Variants in GRIN2A observed in about 807,000 individuals in gnomAD.
GRIN2A encodes the protein glutamate receptor ionotropic, NMDA 2A.
In GRIN2A, 22 loss-of-function variants were observed where a neutral mutation model predicts 113.4. That is an observed-to-expected ratio of 0.19 (90% CI 0.14 to 0.28). The LOEUF is 0.28. Ranked by LOEUF, GRIN2A falls within the 10% of genes least tolerant of loss-of-function variation. GRIN2A has a pLI of 1.00. For synonymous variants in GRIN2A, 827 were observed against 738.4 expected, an observed-to-expected ratio of 1.12 and a Z score of -1.94; for missense variants, 1,502 against 1,887.0, an observed-to-expected ratio of 0.80 and a Z score of 3.78.
At chr16:9,822,834 CT>C (rs1253530843) in intron 9 of GRIN2A, among the ~76,000 whole-genome samples, 1 of 152,162 alleles carries the variant, frequency 6.6e-6, no homozygotes. Flanking sequence ...CATTTATCCA[CT>C]TTATGATGAA....
intron 4 of GRIN2A, among the ~76,000 whole-genome samples, chr16:9,874,588 T>C (rs1391103991): frequency 6.6e-6 from 1 of 152,190 alleles, no homozygotes; most frequent in Non-Finnish European, 1.5e-5. Context: ...TACTGATATA[T>C]GAACGCCACC....
chr16:9,960,531 G>A (rs16966734), intron 2 of GRIN2A, among the ~76,000 whole-genome samples: 2,468 of 152,248 alleles, frequency 0.016, 66 homozygotes, highest in African/African-American at 0.057. Context: ...AGGTAGGTAG[G>A]GAGAGCATAT....
chr16:9,945,642 T>G (rs1344748904), intron 2 of GRIN2A, among the ~76,000 whole-genome samples: 2 of 152,206 alleles, frequency 1.3e-5, no homozygotes, highest in African/African-American at 4.8e-5. Context: ...TTGTGTAAGA[T>G]AACCCTGTTC....
chr16:9,912,692 C>T (rs771813000), intron 3 of GRIN2A, among the ~76,000 whole-genome samples: 35 of 152,018 alleles, frequency 2.3e-4, no homozygotes, highest in Admixed American at 1.3e-4. Context: ...AGTATCTCTG[C>T]GTATTAAAAG....
At chr16:9,884,793 A>T (rs970182566) in intron 4 of GRIN2A, among the ~76,000 whole-genome samples, 54 of 141,486 alleles carry the variant, frequency 3.8e-4, no homozygotes, top group African/African-American at 1.1e-3. Flanking sequence ...TCTGTGGCCC[A>T]GGCTGGAGTG....
chr16:10,066,473 TAGC>T (rs1476594583), intron 2 of GRIN2A, among the ~76,000 whole-genome samples: 1 of 152,146 alleles, frequency 6.6e-6, no homozygotes, highest in Non-Finnish European at 1.5e-5. Flanking sequence ...TGCTGCAAAA[TAGC>T]AGTTCCATAC....
chr16:9,952,302 A>C lies in GRIN2A; in HGVS notation c.415-13751T>G, dbSNP rs536265713. 7.4e-4 allele frequency among the ~76,000 whole-genome samples: 113 copies of C among 152,308 alleles called. 2 individuals are homozygous for C. Among genetic ancestry groups the C allele is most frequent in the Admixed American group, 1.3e-3 (20 of 15,306 alleles). On this transcript the variant is annotated intron_variant, in intron 2 of 12. Transcript: ENST00000330684. ...GTGAAAGGGTTCCCAGTGACCCCTG[A>C]GGTCCTTGTAGATGGAGGGCAACTT...
chr16:10,108,390 C>T lies in GRIN2A; in HGVS notation c.414+71608G>A, dbSNP rs534499995. 2.0e-3 allele frequency among the ~76,000 whole-genome samples: 305 copies of T among 152,322 alleles called. 6 individuals are homozygous for T. Among genetic ancestry groups the T allele is most frequent in the Non-Finnish European group, 1.2e-3 (83 of 68,024 alleles). On this transcript the variant is annotated intron_variant, in intron 2 of 12. Coordinates refer to ENST00000330684, the MANE Select transcript of GRIN2A (RefSeq NM_001134407.3). ...GTTACCTCCCACTGGGTCCCTCCCA[C>T]AACATGTGGGAATTGTGGGAGTTAA...
At chr16:10,108,081 G>A (rs985994701) in intron 2 of GRIN2A, among the ~76,000 whole-genome samples, 12 of 152,174 alleles carry the variant, frequency 7.9e-5, no homozygotes, top group Non-Finnish European at 2.9e-5. Flanking sequence ...TCATTTTAAA[G>A]AAGAGAAAAT....
chr16:9,939,996 G>T (rs913204715), intron 2 of GRIN2A, among the ~76,000 whole-genome samples: 6 of 150,776 alleles, frequency 4.0e-5, no homozygotes, highest in African/African-American at 1.5e-4. Context: ...ACCTCAACAA[G>T]ATAACTTATG....
At chr16:9,960,867 C>A (rs1386244745) in intron 2 of GRIN2A, among the ~76,000 whole-genome samples, 1 of 152,224 alleles carries the variant, frequency 6.6e-6, no homozygotes, top group Non-Finnish European at 1.5e-5. Flanking sequence ...CTAAAGTGAT[C>A]CTCCTGCCTC....
chr16:9,767,646 G>A (rs1901004907), intron 12 of GRIN2A, among the ~76,000 whole-genome samples: 1 of 152,150 alleles, frequency 6.6e-6, no homozygotes, highest in Non-Finnish European at 1.5e-5. Context: ...AAATAAGAGA[G>A]ATGAGTGGAT....
chr16:10,114,136 A>C (rs984400783), intron 2 of GRIN2A, among the ~76,000 whole-genome samples: 1 of 152,176 alleles, frequency 6.6e-6, no homozygotes, highest in African/African-American at 2.4e-5. Flanking sequence ...CGCTGCAGTG[A>C]GCTATGATCA....
chr16:10,133,040 C>T (rs992689202), intron 2 of GRIN2A, among the ~76,000 whole-genome samples: 4 of 152,188 alleles, frequency 2.6e-5, no homozygotes, highest in Non-Finnish European at 5.9e-5. Flanking sequence ...CTGACTCTTC[C>T]ATGCCCGCCT....
At chr16:9,936,990 G>A (rs900503056) in intron 3 of GRIN2A, among the ~76,000 whole-genome samples, 4 of 152,152 alleles carry the variant, frequency 2.6e-5, no homozygotes, top group African/African-American at 9.7e-5. Flanking sequence ...CTATATCTTA[G>A]AATCAACCCT....
chr16:9,968,613 G>A (rs988597935), intron 2 of GRIN2A, among the ~76,000 whole-genome samples: 19 of 150,828 alleles, frequency 1.3e-4, no homozygotes, highest in African/African-American at 4.4e-4. Flanking sequence ...ATACCTGGTC[G>A]TATTTATTTT....
chr16:10,051,652 G>A (rs150986924), intron 2 of GRIN2A, among the ~76,000 whole-genome samples: 1 of 152,182 alleles, frequency 6.6e-6, no homozygotes, highest in African/African-American at 2.4e-5. Flanking sequence ...CACACAACTT[G>A]GCAAAGAGAA....
rs1900280394 is a variant in GRIN2A at position 9,754,503 on chromosome 16, A to G, written c.*8646T>C. ...TAAAAGTTCCACTTTCATCTTTTCA[A>G]ATTCATCAAAAATTTCAAACAAGAT... On this transcript the variant is annotated 3_prime_UTR_variant, in exon 13 of 13. Transcript: ENST00000330684. The G allele has an allele frequency of 4.7e-6, 1 of 212,122 alleles. No homozygotes were observed. Among genetic ancestry groups the G allele is most frequent in the East Asian group, 7.1e-5 (1 of 14,176 alleles). The allele number at this position is 212,122 out of a possible 1,614,324, so 13.1% of individuals were successfully genotyped here.
At chr16:9,990,597 A>G (rs2046092266) in intron 2 of GRIN2A, among the ~76,000 whole-genome samples, 1 of 143,540 alleles carries the variant, frequency 7.0e-6, no homozygotes, top group Non-Finnish European at 1.5e-5. Context: ...ACACACACAC[A>G]CGGTTGATGG....
Sources: allele counts gnomAD v4.1 joint callset (sites outside exome capture counted in the v4.1 genomes callset), GRCh38; gene constraint gnomAD v4.1.1; transcripts MANE v1.5; gene names NCBI Gene and HGNC (gene_info 2026-07-23, HGNC 2026-07-21).